ZNF317: variants seen among roughly 807,000 people sequenced by gnomAD.
ZNF317 encodes zinc finger protein 317, also known as KRAB-containing zinc finger protein 317.
Under a neutral mutation model 23.4 loss-of-function variants are expected in ZNF317, and 17 were observed. The observed-to-expected ratio is 0.73, with a 90% CI of 0.50 to 1.09. ZNF317 has a LOEUF of 1.09. Among genes scored for constraint, ZNF317 ranks in the 50% least tolerant of loss-of-function variants. The pLI is 0.00. For synonymous variants in ZNF317, 317 were observed against 314.9 expected (o/e 1.01, Z -0.07); for missense variants, 679 against 796.7 (o/e 0.85, Z 1.78).
At chr19:9,159,607 C>T (rs1186411979) in intron 6 of ZNF317, among the ~76,000 whole-genome samples, 1 of 150,954 alleles carries the variant, frequency 6.6e-6, no homozygotes, top group Non-Finnish European at 1.5e-5. Flanking sequence ...AGTGCAATGG[C>T]ACGATCTCAG....
intron 2 of ZNF317, 148 bp downstream of exon 2, chr19:9,156,189 C>A (rs1200538269): frequency 2.0e-6 from 2 of 986,654 alleles, no homozygotes; most frequent in African/African-American, 3.5e-5. Context: ...CCAGCAGCCA[C>A]CCCAGTGACT....
chr19:9,150,687 C>T (rs750111056), intron 1 of ZNF317, among the ~76,000 whole-genome samples: 3 of 152,160 alleles, frequency 2.0e-5, no homozygotes, highest in Non-Finnish European at 4.4e-5. Context: ...GCTATGGCTG[C>T]AAGAGCAGTG....
Position 9,157,294 on chromosome 19 carries a change from TG to T in ZNF317, c.190del (p.Val64TrpfsTer22). 3 of 1,614,160 alleles carry T rather than the reference TG, an allele frequency of 1.9e-6. No homozygotes were observed. The highest frequency in any genetic ancestry group is 2.5e-6 in the Non-Finnish European group (3 of 1,180,010). Reference sequence around the variant, plus strand: ...AATCGGTGACTTTCCAAGATGTCGCTGTGGACTTTACCGAGAAGGAGTGGCC... The same window carrying T: ...AATCGGTGACTTTCCAAGATGTCGCTTGGACTTTACCGAGAAGGAGTGGCC... Reference protein sequence around the residue: ...QESVTFQDVAVDFTEKEWPLL... With the variant: ...QESVTFQDVAXDFTEKEWPLL... On this transcript the variant is annotated frameshift_variant, in exon 4 of 7. Coordinates refer to ENST00000247956, the MANE Select transcript of ZNF317 (RefSeq NM_020933.5). LOFTEE classifies it high-confidence loss of function.
rs1371709724 is a variant in ZNF317, at chr19:9,160,097, T to TA, written c.469-16dup. ...TATGAGAATTGCCTTTGTCAGCACT[T>TA]ACGTCTTAACCAACAGGAAAGAGCC... On this transcript the variant is annotated splice_polypyrimidine_tract_variant and intron_variant, in intron 6 of 6. Transcript: ENST00000247956. The surrounding 1 kb of genome is among the most constrained non-coding windows in gnomAD (Gnocchi z 6.8). The TA allele has an allele frequency of 1.2e-6, 2 of 1,613,126 alleles. No homozygotes were observed. The highest frequency in any genetic ancestry group is 1.7e-6 in the Non-Finnish European group (2 of 1,179,220).
chr19:9,140,872 C>G (rs1046394100), intron 1 of ZNF317, among the ~76,000 whole-genome samples: 1 of 152,022 alleles, frequency 6.6e-6, no homozygotes, highest in Non-Finnish European at 1.5e-5. Flanking sequence ...GAAGTGAATT[C>G]AAGAGTTTGG....
chr19:9,143,139 A>T (rs2050649494), intron 1 of ZNF317, among the ~76,000 whole-genome samples: 1 of 152,160 alleles, frequency 6.6e-6, no homozygotes, highest in Non-Finnish European at 1.5e-5. Flanking sequence ...GAATTTATTT[A>T]TTCCATCTGA....
chr19:9,157,312 G>A lies in ZNF317; in HGVS notation c.207G>A (p.Lys69=). Residue 69 remains lysine (K), a synonymous_variant, in exon 4 of 7, where the codon AAG becomes AAA. Transcript: ENST00000247956. ...FQDVAVDFTE[K]EWPLLDSSQR... Reference sequence around the variant, plus strand: ...ATGTCGCTGTGGACTTTACCGAGAAGGAGTGGCCCTTGCTGGATTCTTCTC... The same window carrying A: ...ATGTCGCTGTGGACTTTACCGAGAAAGAGTGGCCCTTGCTGGATTCTTCTC... The A allele has an allele frequency of 1.2e-6, 2 of 1,614,100 alleles. No homozygotes were observed. The highest frequency in any genetic ancestry group is 1.7e-6 in the Non-Finnish European group (2 of 1,180,006).
chr19:9,146,164 T>C lies in ZNF317; in HGVS notation c.-93+5572T>C, dbSNP rs1183355065. ...GCACATGAATTTGAAACCTATCATC[T>C]GTCTGTACTTTGTGTTGCATTTGAA... is the stretch of plus-strand genomic sequence containing the variant. On this transcript the variant is annotated intron_variant, in intron 1 of 6. Coordinates refer to ENST00000247956, the MANE Select transcript of ZNF317 (RefSeq NM_020933.5). Among the ~76,000 whole-genome samples, 8 of 152,090 alleles carry C rather than the reference T, an allele frequency of 5.3e-5. No homozygotes were observed. In the South Asian group the frequency reaches 1.0e-3, roughly 20 times the overall value.
chr19:9,152,230 C>T (rs2050742032), intron 1 of ZNF317, among the ~76,000 whole-genome samples: 1 of 152,134 alleles, frequency 6.6e-6, no homozygotes, highest in African/African-American at 2.4e-5. Context: ...TATTTAATGG[C>T]TTTTGATGAC....
intron 1 of ZNF317, among the ~76,000 whole-genome samples, chr19:9,148,400 A>C (rs375919921): frequency 1.3e-5 from 2 of 152,294 alleles, no homozygotes; most frequent in East Asian, 1.9e-4. Flanking sequence ...AGCCCTCTGG[A>C]CACTTTGTCC....
chr19:9,147,547 C>T (rs368412885), intron 1 of ZNF317, among the ~76,000 whole-genome samples: 3 of 151,684 alleles, frequency 2.0e-5, no homozygotes, highest in East Asian at 3.9e-4. Flanking sequence ...TCACCATTCA[C>T]AGGATGGTCT....
At chr19:9,141,908 C>T (rs62103613) in intron 1 of ZNF317, among the ~76,000 whole-genome samples, 1 of 151,998 alleles carries the variant, frequency 6.6e-6, no homozygotes, top group South Asian at 2.1e-4. Flanking sequence ...CTGGTTCAAG[C>T]GGTTCTCCTG....
Position 9,161,605 on chromosome 19 carries a change from G to A in ZNF317, c.*172G>A. 1 of 981,348 alleles carries A rather than the reference G, an allele frequency of 1.0e-6. No homozygotes were observed. Among genetic ancestry groups the A allele is most frequent in the South Asian group, 1.8e-5 (1 of 55,268 alleles). 60.8% of individuals were successfully genotyped at this position (981,348 alleles called of 1,614,324 possible). A position where few individuals can be genotyped will look rare whatever the true frequency, so the allele number is the denominator to read the frequency against. ...GACGAGGCGTTCTCATCCCATAGGA[G>A]GTTTGTGAGAACTCACGCCGGGGGT... On this transcript the variant is annotated 3_prime_UTR_variant, in exon 7 of 7. Transcript: ENST00000247956. This position sits in a 1 kb window ranked among gnomAD's most constrained non-coding sequence, Gnocchi z 4.0.
chr19:9,146,889 A>T (rs1177123094), intron 1 of ZNF317, among the ~76,000 whole-genome samples: 2 of 152,210 alleles, frequency 1.3e-5, no homozygotes, highest in South Asian at 4.1e-4. Context: ...GATAAAATCA[A>T]ATATTGGGAG....
At position 9,157,249 on chromosome 19, in the gene ZNF317, A is replaced by T; in HGVS notation, c.163-19A>T. The T allele has an allele frequency of 1.2e-6, 2 of 1,612,884 alleles. No individual in the cohort carries two copies. The highest frequency in any genetic ancestry group is 1.7e-6 in the Non-Finnish European group (2 of 1,179,406). Reference sequence around the variant, plus strand: ...TTAGGCTGGTTCCTCGCTGACCCCAAGTTTGTGTGGCGTTCCAGGAATCGG... The same window carrying T: ...TTAGGCTGGTTCCTCGCTGACCCCATGTTTGTGTGGCGTTCCAGGAATCGG... On this transcript the variant is annotated intron_variant, in intron 3 of 6. Coordinates refer to ENST00000247956, the MANE Select transcript of ZNF317 (RefSeq NM_020933.5).
In ZNF317 at chr19:9,152,398, G is replaced by A. The variant is rs541393086; in HGVS notation, c.-92-3527G>A. Among the ~76,000 whole-genome samples, 6 of 152,302 alleles carry A rather than the reference G, an allele frequency of 3.9e-5. No individual in the cohort carries two copies. In the East Asian group the frequency reaches 5.8e-4, roughly 15 times the overall value. On this transcript the variant is annotated intron_variant, in intron 1 of 6. Transcript: ENST00000247956. ...GGCCTTTTAGGAACAAGGCCCTGCC[G>A]CAGGAGGTGAGCGGAGGGCAAGTGA...
chr19:9,147,330 GTTTTTTT>G (rs35259257), intron 1 of ZNF317, among the ~76,000 whole-genome samples: 17 of 110,156 alleles, frequency 1.5e-4, no homozygotes, highest in Admixed American at 7.7e-4. Context: ...AATGACACTG[GTTTTTTT>G]TTTTTTTTTT....
At chr19:9,142,215 T>G (rs1401551670) in intron 1 of ZNF317, among the ~76,000 whole-genome samples, 1 of 152,268 alleles carries the variant, frequency 6.6e-6, no homozygotes, top group African/African-American at 2.4e-5. Flanking sequence ...TTGTGTAGTT[T>G]GTTGGATGTT....
At chr19:9,143,086 A>G (rs2050648819) in intron 1 of ZNF317, among the ~76,000 whole-genome samples, 1 of 152,170 alleles carries the variant, frequency 6.6e-6, no homozygotes, top group African/African-American at 2.4e-5. Context: ...TTTGTGGGGC[A>G]TTCAGGTTTT....
Sources: gnomAD v4.1 joint callset for allele counts (sites outside exome capture counted in the v4.1 genomes callset) on GRCh38, gnomAD v4.1.1 for gene constraint, Gnocchi (gnomAD v3.1) non-coding constraint, MANE v1.5 for transcripts, NCBI Gene and HGNC (gene_info 2026-07-23, HGNC 2026-07-21) for gene names.